NPRL3: variants seen among roughly 807,000 people sequenced by gnomAD.
NPRL3 encodes NPR3 like, GATOR1 complex subunit.
A neutral mutation model predicts 57.2 loss-of-function variants in NPRL3; 23 were observed. The observed-to-expected ratio is 0.40, with a 90% CI of 0.29 to 0.57. The LOEUF is 0.57. Ranked by LOEUF, NPRL3 falls within the 20% of genes least tolerant of loss-of-function variation. The pLI is 0.42. For missense variants in NPRL3, 691 were observed against 767.1 expected (o/e 0.90, Z 1.17); for synonymous variants, 333 against 321.1 (o/e 1.04, Z -0.39).
chr16:103,553 A>G (rs976783873), intron 7 of NPRL3, among the ~76,000 whole-genome samples: 6 of 151,966 alleles, frequency 3.9e-5, no homozygotes, highest in African/African-American at 1.5e-4. Flanking sequence ...TCTTTGCTCC[A>G]TCTAGGAGCA....
chr16:119,475 A>G (rs902160565), intron 3 of NPRL3: 1 of 575,918 alleles, frequency 1.7e-6, no homozygotes, highest in African/African-American at 1.9e-5. Context: ...CATGAGAAGC[A>G]CAGACTGAAG....
At chr16:108,479 T>A (rs1048137924) in intron 7 of NPRL3, among the ~76,000 whole-genome samples, 1 of 152,022 alleles carries the variant, frequency 6.6e-6, no homozygotes, top group Non-Finnish European at 1.5e-5. Flanking sequence ...TTTTCCCTAT[T>A]AGTAATGCCT....
chr16:97,036 C>G (rs1034615926), intron 9 of NPRL3, among the ~76,000 whole-genome samples: 1 of 152,238 alleles, frequency 6.6e-6, no homozygotes, highest in East Asian at 1.9e-4. Flanking sequence ...GCCCACCTCA[C>G]GCCTGTGTTC....
At chr16:123,587 T>A (rs914541230) in intron 3 of NPRL3, 2 of 466,576 alleles carry the variant, frequency 4.3e-6, no homozygotes, top group African/African-American at 2.0e-5. Context: ...CAAAAACATA[T>A]CACTTTTTTA....
chr16:136,754 CAGAAAAATGGGAACAGT>C (rs1901107484), intron 2 of NPRL3, among the ~76,000 whole-genome samples: 1 of 150,596 alleles, frequency 6.6e-6, no homozygotes, highest in African/African-American at 2.4e-5. Context: ...TGGAAAGACA[CAGAAAAATGGGAACAGT>C]AGTTACCCCT....
Position 97,413 on chromosome 16 carries a change from T to TC in NPRL3, c.924+731_924+732insG, listed in dbSNP as rs1290152206. Among the ~76,000 whole-genome samples, 3 of 145,622 alleles carry TC rather than the reference T, an allele frequency of 2.1e-5. No homozygotes were observed. In the East Asian group the frequency reaches 5.9e-4, roughly 29 times the overall value. On this transcript the variant is annotated intron_variant, in intron 9 of 13. Transcript: ENST00000611875. ...GTGCACGCCACCACACCCAGCTATTTTTTTTTTTTTTTTTTTTGTATTTTT... is the reference window on the plus strand; with the variant it reads ...GTGCACGCCACCACACCCAGCTATTTCTTTTTTTTTTTTTTTTTGTATTTTT...
At chr16:109,329 T>C (rs1177991665) in intron 7 of NPRL3, among the ~76,000 whole-genome samples, 1 of 152,118 alleles carries the variant, frequency 6.6e-6, no homozygotes, top group African/African-American at 2.4e-5. Context: ...TGTGAGGTTT[T>C]CATGGTATCC....
chr16:132,301 T>C (rs965729412), intron 2 of NPRL3, among the ~76,000 whole-genome samples: 1 of 151,966 alleles, frequency 6.6e-6, no homozygotes, highest in Non-Finnish European at 1.5e-5. Flanking sequence ...GTCACCACAC[T>C]CAGCCCAGAA....
chr16:85,471 C>A lies in NPRL3; in HGVS notation c.*1234G>T. 6.2e-7 allele frequency: 1 copy of A among 1,613,122 alleles called. No individual in the cohort carries two copies. The highest frequency in any genetic ancestry group is 8.5e-7 in the Non-Finnish European group (1 of 1,180,020). The stretch of plus-strand genomic sequence containing the variant: ...GTCTGGAGACCATGCGTCAGCTTCG[C>A]AGCACCCTCCGGAAAGGCACCGCCA... On this transcript the variant is annotated 3_prime_UTR_variant, in exon 14 of 14. Transcript: ENST00000611875.
Position 138,130 on chromosome 16 carries a change from C to A in NPRL3, c.118+20G>T. ...AGGCGGCCCCCGCGAGCGCCAGGCC[C>A]CCGCCCAGCGCTCACTTACTTGTCT... is the stretch of plus-strand genomic sequence containing the variant. On this transcript the variant is annotated intron_variant, in intron 2 of 13. Transcript: ENST00000611875. 1 of 1,561,958 alleles carries A rather than the reference C, an allele frequency of 6.4e-7. No individual in the cohort carries two copies.
At chr16:115,766 G>GT (rs1430670574) in intron 5 of NPRL3, among the ~76,000 whole-genome samples, 1 of 152,184 alleles carries the variant, frequency 6.6e-6, no homozygotes, top group East Asian at 1.9e-4. Context: ...TATTACAGGC[G>GT]TAAGCATTTG....
At position 110,540 on chromosome 16, in the gene NPRL3, T is replaced by A. The variant is rs772928538; in HGVS notation, c.614A>T (p.Lys205Met). Residue 205 changes from lysine to methionine, a missense_variant, in exon 7 of 14, where the codon AAG (lysine) becomes ATG (methionine). By Grantham distance (95) the Lys-to-Met change is moderately conservative (BLOSUM62 -1). Coordinates refer to ENST00000611875, the MANE Select transcript of NPRL3 (RefSeq NM_001077350.3). ...LPKCKLARDL[K>M]EAYDSLCTSG... ...CCTGTCTTACCTGTCATAAGCTTCC[T>A]TGAGGTCCCTGGCCAGCTTGCACTT... 11 of 1,611,808 alleles carry A rather than the reference T, an allele frequency of 6.8e-6. No homozygotes were observed. The highest frequency in any genetic ancestry group is 1.3e-5 in the African/African-American group (1 of 74,886).
At chr16:103,296 ATTTTTTTTTTTTT>A (rs533871530) in intron 7 of NPRL3, among the ~76,000 whole-genome samples, 9 of 42,126 alleles carry the variant, frequency 2.1e-4, no homozygotes, top group East Asian at 1.4e-3. Flanking sequence ...GCCTGGGGTG[ATTTTTTTTTTTTT>A]TTTTTTTTTT....
intron 7 of NPRL3, among the ~76,000 whole-genome samples, chr16:104,461 G>C (rs1899445600): frequency 6.6e-6 from 1 of 152,170 alleles, no homozygotes; most frequent in South Asian, 2.1e-4. Flanking sequence ...ATGAGGGCAG[G>C]AGGGTCACAT....
chr16:136,830 T>A (rs1901111642), intron 2 of NPRL3, among the ~76,000 whole-genome samples: 1 of 152,016 alleles, frequency 6.6e-6, no homozygotes. Flanking sequence ...GAACTTTCTT[T>A]TCATAATCTA....
At chr16:127,909 C>T (rs551088342) in intron 3 of NPRL3, among the ~76,000 whole-genome samples, 1 of 152,018 alleles carries the variant, frequency 6.6e-6, no homozygotes, top group African/African-American at 2.4e-5. Flanking sequence ...CCCGCCTTGG[C>T]CTCCCAAAGG....
chr16:109,481 G>T (rs1781690112), intron 7 of NPRL3, among the ~76,000 whole-genome samples: 1 of 152,172 alleles, frequency 6.6e-6, no homozygotes, highest in Admixed American at 6.5e-5. Context: ...CCTAGTGAAG[G>T]TGGCCCAGCA....
chr16:128,180 T>C (rs1900629818), intron 3 of NPRL3, among the ~76,000 whole-genome samples: 1 of 152,032 alleles, frequency 6.6e-6, no homozygotes, highest in Non-Finnish European at 1.5e-5. Flanking sequence ...TTAGTAGAGG[T>C]AGGGTTTTGC....
intron 10 of NPRL3, chr16:92,941 C>A: frequency 1.6e-6 from 1 of 631,878 alleles, no homozygotes; most frequent in Non-Finnish European, 2.8e-6. Flanking sequence ...GTTCATCCTG[C>A]ATCTCACCTC....
Sources: allele counts gnomAD v4.1 joint callset (sites outside exome capture counted in the v4.1 genomes callset), GRCh38; gene constraint gnomAD v4.1.1; transcripts MANE v1.5; gene names NCBI Gene and HGNC (gene_info 2026-07-23, HGNC 2026-07-21).